Variants in CNTNAP5 observed in about 807,000 individuals in gnomAD.
CNTNAP5 encodes the protein contactin-associated protein-like 5.
CNTNAP5 carries 72 observed loss-of-function variants against 150.2 expected under a neutral mutation model. The ratio of observed to expected loss-of-function variants is 0.48; its 90% CI spans 0.40 to 0.58. The LOEUF is 0.58. Ranked by LOEUF, CNTNAP5 falls within the 20% of genes least tolerant of loss-of-function variation. The pLI, the probability that CNTNAP5 is intolerant of heterozygous loss-of-function variation, is 0.00. For missense variants in CNTNAP5, 1,636 were observed against 1,626.2 expected (o/e 1.01, Z -0.10); for synonymous variants, 672 against 619.8 (o/e 1.08, Z -1.25).
chr2:124,879,689 G>A (rs757152693), intron 21 of CNTNAP5, among the ~76,000 whole-genome samples: 23 of 151,982 alleles, frequency 1.5e-4, no homozygotes, highest in African/African-American at 2.4e-4. Flanking sequence ...AGTGTCTGGC[G>A]CTTAGTGGTA....
chr2:124,260,456 G>T (rs1687424782), intron 3 of CNTNAP5, among the ~76,000 whole-genome samples: 1 of 152,144 alleles, frequency 6.6e-6, no homozygotes, highest in African/African-American at 2.4e-5. Flanking sequence ...CATAGGAATG[G>T]GCAAGGACTT....
chr2:124,329,861 T>C (rs1238159167), intron 3 of CNTNAP5, among the ~76,000 whole-genome samples: 1 of 152,188 alleles, frequency 6.6e-6, no homozygotes, highest in Non-Finnish European at 1.5e-5. Context: ...TGGTGTAGTC[T>C]ACAAGCTAGT....
At chr2:124,872,914 T>C (rs1275259062) in intron 21 of CNTNAP5, among the ~76,000 whole-genome samples, 1 of 152,116 alleles carries the variant, frequency 6.6e-6, no homozygotes, top group African/African-American at 2.4e-5. Flanking sequence ...TACAGCAAGG[T>C]ACTACAGACA....
At chr2:124,492,521 G>C (rs1694054468) in intron 7 of CNTNAP5, among the ~76,000 whole-genome samples, 1 of 152,086 alleles carries the variant, frequency 6.6e-6, no homozygotes, top group Non-Finnish European at 1.5e-5. Flanking sequence ...GGTGCTTTCA[G>C]CTTTATTTTT....
intron 3 of CNTNAP5, among the ~76,000 whole-genome samples, chr2:124,311,379 T>C (rs1472998960): frequency 5.9e-5 from 9 of 152,118 alleles, no homozygotes; most frequent in African/African-American, 2.2e-4. Context: ...AGTCCTCACA[T>C]AGCCTTTCCT....
chr2:124,435,530 T>C (rs1224144887), intron 5 of CNTNAP5, among the ~76,000 whole-genome samples: 2 of 151,822 alleles, frequency 1.3e-5, no homozygotes, highest in African/African-American at 4.8e-5. Flanking sequence ...AAAAAGTAAA[T>C]GGCCGTTTTT....
chr2:124,511,571 ATCAG>A (rs1312154555), intron 8 of CNTNAP5, among the ~76,000 whole-genome samples: 1 of 152,154 alleles, frequency 6.6e-6, no homozygotes, highest in Non-Finnish European at 1.5e-5. Flanking sequence ...GAAGGAGAGG[ATCAG>A]TCTAGAATCA....
chr2:124,749,926 C>G (rs751189402), intron 14 of CNTNAP5, among the ~76,000 whole-genome samples: 5 of 152,116 alleles, frequency 3.3e-5, no homozygotes, highest in Non-Finnish European at 7.3e-5. Flanking sequence ...CTCTGTGTCT[C>G]CTTTCCTAAA....
At chr2:124,091,202 G>A (rs1356432392) in intron 1 of CNTNAP5, among the ~76,000 whole-genome samples, 2 of 152,172 alleles carry the variant, frequency 1.3e-5, no homozygotes, top group South Asian at 4.1e-4. Context: ...AGCAGGGAGT[G>A]TACATCGCAC....
At chr2:124,260,572 G>C (rs1687427684) in intron 3 of CNTNAP5, among the ~76,000 whole-genome samples, 1 of 152,202 alleles carries the variant, frequency 6.6e-6, no homozygotes, top group African/African-American at 2.4e-5. Flanking sequence ...CCATCAGAGT[G>C]AATAGGCAAC....
At chr2:124,425,153 G>T (rs1003772561) in intron 4 of CNTNAP5, among the ~76,000 whole-genome samples, 1 of 152,156 alleles carries the variant, frequency 6.6e-6, no homozygotes, top group African/African-American at 2.4e-5. Flanking sequence ...GTGATTGACC[G>T]TGACTCCCCT....
intron 1 of CNTNAP5, among the ~76,000 whole-genome samples, chr2:124,201,573 C>T (rs1685727271): frequency 6.6e-6 from 1 of 152,210 alleles, no homozygotes; most frequent in South Asian, 2.1e-4. Context: ...CTTAACCTCT[C>T]CCCATGGGGC....
At chr2:124,678,726 C>A (rs1678999332) in intron 13 of CNTNAP5, among the ~76,000 whole-genome samples, 1 of 151,826 alleles carries the variant, frequency 6.6e-6, no homozygotes, top group South Asian at 2.1e-4. Flanking sequence ...CCTTCTCCAA[C>A]TCTCCTTGGG....
At chr2:124,577,058 G>A (rs1696298843) in intron 11 of CNTNAP5, among the ~76,000 whole-genome samples, 1 of 152,182 alleles carries the variant, frequency 6.6e-6, no homozygotes, top group African/African-American at 2.4e-5. Context: ...TGTTATCACT[G>A]TAGTTCTCCA....
intron 8 of CNTNAP5, among the ~76,000 whole-genome samples, chr2:124,521,899 C>G (rs1206599513): frequency 6.6e-6 from 1 of 152,170 alleles, no homozygotes; most frequent in African/African-American, 2.4e-5. Context: ...GTGGCCAGGA[C>G]ACAAACCCTG....
At chr2:124,481,761 A>G (rs549699521) in intron 7 of CNTNAP5, among the ~76,000 whole-genome samples, 1 of 152,324 alleles carries the variant, frequency 6.6e-6, no homozygotes, top group South Asian at 2.1e-4. Context: ...ACCATAGTTC[A>G]TTTAAGAATC....
intron 21 of CNTNAP5, among the ~76,000 whole-genome samples, chr2:124,899,378 T>A (rs539299848): frequency 6.6e-6 from 1 of 151,480 alleles, no homozygotes; most frequent in East Asian, 1.9e-4. Context: ...CCTGTACCTA[T>A]CAGCAGCTCG....
intron 3 of CNTNAP5, among the ~76,000 whole-genome samples, chr2:124,289,841 C>G (rs1454047231): frequency 6.6e-6 from 1 of 152,206 alleles, no homozygotes; most frequent in Admixed American, 6.5e-5. Context: ...AAATTACACA[C>G]AGTATAAACT....
At chr2:124,173,694 A>G (rs1430444271) in intron 1 of CNTNAP5, among the ~76,000 whole-genome samples, 4 of 152,224 alleles carry the variant, frequency 2.6e-5, no homozygotes, top group African/African-American at 9.6e-5. Context: ...TCCATAACAT[A>G]CAAGTGCAAA....
Sources: gnomAD v4.1 joint callset for allele counts (sites outside exome capture counted in the v4.1 genomes callset) on GRCh38, gnomAD v4.1.1 for gene constraint, MANE v1.5 for transcripts, NCBI Gene and HGNC (gene_info 2026-07-23, HGNC 2026-07-21) for gene names.